KANK1: variants seen among roughly 807,000 people sequenced by gnomAD.
KANK1 encodes the protein KN motif and ankyrin repeat domains 1.
In KANK1, 109 loss-of-function variants were observed where a neutral mutation model predicts 106.2. The observed-to-expected ratio is 1.03, with a 90% confidence interval of 0.88 to 1.20. KANK1 has a LOEUF of 1.20. Among genes scored for constraint, KANK1 ranks in the 50% most tolerant of loss-of-function variants. The probability of loss-of-function intolerance (pLI) is 0.00; values close to 1 mark genes in which losing one functional copy is unlikely to be tolerated. For missense variants in KANK1, 2,399 were observed against 1,710.7 expected (o/e 1.40, Z -7.10); for synonymous variants, 873 against 652.2 (o/e 1.34, Z -5.16).
intron 2 of KANK1, among the ~76,000 whole-genome samples, chr9:696,168 C>A (rs1055013167): frequency 9.2e-5 from 14 of 151,944 alleles, no homozygotes; most frequent in Non-Finnish European, 1.5e-4. Flanking sequence ...CCTGTAGTCC[C>A]AGCTACTCGG....
intron 2 of KANK1, among the ~76,000 whole-genome samples, chr9:696,035 G>A (rs2129675261): frequency 6.6e-6 from 1 of 152,202 alleles, no homozygotes; most frequent in East Asian, 1.9e-4. Context: ...GCTCATGCCT[G>A]TAATCCCAGC....
At chr9:603,916 G>C (rs2804301) in intron 1 of KANK1, among the ~76,000 whole-genome samples, 1 of 146,804 alleles carries the variant, frequency 6.8e-6, no homozygotes, top group Non-Finnish European at 1.5e-5. Context: ...CCAAGATCAC[G>C]TCACTGTATT....
chr9:578,560 A>G (rs1821211962), intron 1 of KANK1, among the ~76,000 whole-genome samples: 1 of 152,150 alleles, frequency 6.6e-6, no homozygotes, highest in South Asian at 2.1e-4. Context: ...CCCCTGGAAC[A>G]TCATCATAGT....
chr9:619,422 T>C (rs1400481493), intron 1 of KANK1, among the ~76,000 whole-genome samples: 1 of 152,164 alleles, frequency 6.6e-6, no homozygotes, highest in East Asian at 1.9e-4. Context: ...TAGAGTATAA[T>C]TGTCCCTTTG....
At chr9:644,558 G>A (rs575223121) in intron 1 of KANK1, among the ~76,000 whole-genome samples, 1 of 150,760 alleles carries the variant, frequency 6.6e-6, no homozygotes, top group East Asian at 1.9e-4. Flanking sequence ...AGAGAGGAGA[G>A]AGGTGCTACA....
chr9:745,173 G>A lies in KANK1; in HGVS notation c.3997G>A (p.Gly1333Ser). The change falls in exon 12 of 12, where the codon GGC becomes AGC. Residue 1333 changes from glycine (G) to serine (S), a missense_variant and splice_region_variant. By Grantham distance (56) the Gly-to-Ser change is moderately conservative. Transcript: ENST00000382297. ...GTTTTTTTCCTTTCCTGGTCTCTAG[G>A]GCACCCCTAGGCTTGGAAGGAAGAC... The part of the protein sequence containing the change: ...HVNFAKAQSP[G>S]TPRLGRKTSP... 6.2e-7 allele frequency: 1 copy of A among 1,613,772 alleles called. No individual in the cohort carries two copies. The highest frequency in any genetic ancestry group is 8.5e-7 in the Non-Finnish European group (1 of 1,179,860).
chr9:590,132 C>G (rs184945068), intron 1 of KANK1, among the ~76,000 whole-genome samples: 4 of 152,284 alleles, frequency 2.6e-5, no homozygotes, highest in Admixed American at 6.5e-5. Flanking sequence ...GGCTGTGCTC[C>G]TGTCTAGGTA....
At chr9:526,497 G>A (rs2059797664) in intron 1 of KANK1, among the ~76,000 whole-genome samples, 1 of 151,714 alleles carries the variant, frequency 6.6e-6, no homozygotes, top group Non-Finnish European at 1.5e-5. Context: ...AGGATTGCTT[G>A]AGGCCATGAA....
chr9:597,685 A>T (rs192434813), intron 1 of KANK1, among the ~76,000 whole-genome samples: 31 of 150,452 alleles, frequency 2.1e-4, no homozygotes, highest in Non-Finnish European at 2.9e-4. Context: ...TTTTTTTTAG[A>T]CAGAGTCTTG....
At chr9:685,881 T>C (rs934545466) in intron 2 of KANK1, among the ~76,000 whole-genome samples, 1 of 152,202 alleles carries the variant, frequency 6.6e-6, no homozygotes, top group South Asian at 2.1e-4. Flanking sequence ...GTGAAAACAT[T>C]GATTCAGCTT....
chr9:743,984 G>A (rs1045835864), intron 10 of KANK1, among the ~76,000 whole-genome samples: 1 of 152,178 alleles, frequency 6.6e-6, no homozygotes, highest in Non-Finnish European at 1.5e-5. Flanking sequence ...CATATGTAGT[G>A]TTTCCCCTCT....
intron 1 of KANK1, among the ~76,000 whole-genome samples, chr9:634,548 G>A (rs1302872893): frequency 6.6e-6 from 1 of 152,176 alleles, no homozygotes; most frequent in East Asian, 1.9e-4. Flanking sequence ...ATGCTTACAT[G>A]TTAGCAGAAT....
At chr9:735,655 T>C (rs1833595589) in intron 7 of KANK1, 4 of 330,194 alleles carry the variant, frequency 1.2e-5, no homozygotes, top group South Asian at 1.0e-4. Flanking sequence ...ACTATGCATC[T>C]ACTTTAAATT....
intron 11 of KANK1, 83 bp downstream of exon 11, chr9:744,672 G>C (rs1283697713): frequency 6.2e-7 from 1 of 1,611,210 alleles, no homozygotes; most frequent in Non-Finnish European, 8.5e-7. Context: ...ATTGACGGGA[G>C]ACAGATTTTA....
At position 706,923 on chromosome 9, in the gene KANK1, T is replaced by C. The variant is rs1052239929; in HGVS notation, c.38-3881T>C. 4.1e-6 allele frequency: 4 copies of C among 985,320 alleles called. No homozygotes were observed. The African/African-American group carries it at 7.0e-5, about 17-fold the overall frequency. 61.0% of individuals were successfully genotyped at this position (985,320 alleles called of 1,614,324 possible). On this transcript the variant is annotated intron_variant, in intron 2 of 11. Transcript: ENST00000382297. ...AGCCTCTCTGTAGAGATGCTTAAAG[T>C]GCTAGCTTTATTTAAAAATCAGCTG...
At chr9:580,917 C>T (rs570557642) in intron 1 of KANK1, among the ~76,000 whole-genome samples, 8 of 152,318 alleles carry the variant, frequency 5.3e-5, no homozygotes, top group South Asian at 2.1e-4. Context: ...CCTTGCCCCA[C>T]GGGGAGGCAG....
chr9:504,471 G>A (rs2058633177), upstream of KANK1, among the ~76,000 whole-genome samples: 1 of 151,714 alleles, frequency 6.6e-6, no homozygotes, highest in Admixed American at 6.6e-5. Flanking sequence ...CCCGCGGGGA[G>A]CCGGGCGTCC....
At chr9:676,255 C>G (rs1301717718) in intron 1 of KANK1, among the ~76,000 whole-genome samples, 1 of 152,146 alleles carries the variant, frequency 6.6e-6, no homozygotes, top group Non-Finnish European at 1.5e-5. Flanking sequence ...AGCCCCTACT[C>G]AAGATGGAGT....
At chr9:739,377 C>T (rs1564128601) in intron 8 of KANK1, among the ~76,000 whole-genome samples, 1 of 152,190 alleles carries the variant, frequency 6.6e-6, no homozygotes, top group Non-Finnish European at 1.5e-5. Flanking sequence ...ATTCTGTCTT[C>T]ATCCACTGTC....
Sources: gnomAD v4.1 joint callset for allele counts (sites outside exome capture counted in the v4.1 genomes callset) on GRCh38, gnomAD v4.1.1 for gene constraint, MANE v1.5 for transcripts, NCBI Gene and HGNC (gene_info 2026-07-23, HGNC 2026-07-21) for gene names.